The following NTRK3 variants were observed in gnomAD, a reference collection of about 807,000 sequenced individuals.
The protein encoded by NTRK3 is NT-3 growth factor receptor.
Under a neutral mutation model 91.7 loss-of-function variants are expected in NTRK3, and 24 were observed. That is an observed-to-expected ratio of 0.26 (90% CI 0.19 to 0.37). The LOEUF (loss-of-function observed/expected upper bound fraction) is 0.37. Ranked by LOEUF, NTRK3 falls within the 10% of genes least tolerant of loss-of-function variation. NTRK3 has a pLI of 1.00. For missense variants in NTRK3, 880 were observed against 1,068.9 expected (o/e 0.82, Z 2.46); for synonymous variants, 483 against 404.0 (o/e 1.20, Z -2.34).
At chr15:88,036,430 A>T (rs1273732826) in intron 13 of NTRK3, among the ~76,000 whole-genome samples, 2 of 152,202 alleles carry the variant, frequency 1.3e-5, no homozygotes, top group Non-Finnish European at 2.9e-5. Context: ...CCTAAAAAAA[A>T]AAAAAATCAA....
At chr15:88,003,300 C>T (rs2076249585) in intron 14 of NTRK3, among the ~76,000 whole-genome samples, 1 of 152,150 alleles carries the variant, frequency 6.6e-6, no homozygotes, top group South Asian at 2.1e-4. Flanking sequence ...GACCTGCTGA[C>T]CAAAATGTTA....
chr15:87,873,675 C>T, exon 19 of NTRK3: 1 of 232,044 alleles, frequency 4.3e-6, no homozygotes, highest in Non-Finnish European at 8.5e-6. Context: ...GATGTCATTT[C>T]ACAACACATT....
intron 14 of NTRK3, among the ~76,000 whole-genome samples, chr15:87,942,128 C>T (rs532337576): frequency 2.6e-5 from 4 of 152,294 alleles, no homozygotes; most frequent in African/African-American, 9.6e-5. Flanking sequence ...AATCTTTTTC[C>T]TCCCTTCAGA....
In NTRK3 at chr15:88,241,617, G is replaced by A. The variant is rs1250907055; in HGVS notation, c.248+14289C>T. 6.6e-6 allele frequency among the ~76,000 whole-genome samples: 1 copy of A among 152,132 alleles called. No individual in the cohort carries two copies. Among genetic ancestry groups the A allele is most frequent in the Non-Finnish European group, 1.5e-5 (1 of 68,002 alleles). On this transcript the variant is annotated intron_variant, in intron 3 of 18. Transcript: ENST00000394480. This position sits in a 1 kb window ranked among gnomAD's most constrained non-coding sequence, Gnocchi z 4.3. ...ATGGGGCAGGTCAGCCGCTGGTTGGGCAGAATGCCAGCTGGGTGCTGGGAG... is the reference window on the plus strand; with the variant it reads ...ATGGGGCAGGTCAGCCGCTGGTTGGACAGAATGCCAGCTGGGTGCTGGGAG...
At chr15:88,060,269 AGCTACTTGGGAGGCTG>A (rs1333573175) in intron 13 of NTRK3, among the ~76,000 whole-genome samples, 1 of 151,976 alleles carries the variant, frequency 6.6e-6, no homozygotes. Flanking sequence ...CTGTAATCCC[AGCTACTTGGGAGGCTG>A]AGGCAGGAAA....
chr15:87,867,132 C>T (rs2141392892), exon 19 of NTRK3: 1 of 225,442 alleles, frequency 4.4e-6, no homozygotes, highest in African/African-American at 2.2e-5. Flanking sequence ...CCCAGAGTCT[C>T]TTGTGCAAAA....
chr15:87,901,574 G>T (rs1393235117), intron 17 of NTRK3, among the ~76,000 whole-genome samples: 3 of 152,222 alleles, frequency 2.0e-5, no homozygotes, highest in African/African-American at 7.2e-5. Flanking sequence ...GTTGAGTTGG[G>T]CTAAGTTCTT....
exon 19 of NTRK3, chr15:87,867,283 A>G (rs184493362): frequency 1.1e-4 from 26 of 226,504 alleles, no homozygotes; most frequent in Middle Eastern, 2.7e-3. Flanking sequence ...AGGCTAGGAA[A>G]GAGGGAGATG....
At chr15:88,009,113 C>A (rs1029132439) in intron 14 of NTRK3, among the ~76,000 whole-genome samples, 1 of 152,142 alleles carries the variant, frequency 6.6e-6, no homozygotes, top group African/African-American at 2.4e-5. Context: ...AGGCTTATAG[C>A]TAAAGAGGCA....
intron 3 of NTRK3, among the ~76,000 whole-genome samples, chr15:88,189,971 A>C (rs1282915498): frequency 6.6e-6 from 1 of 152,238 alleles, no homozygotes; most frequent in Non-Finnish European, 1.5e-5. Flanking sequence ...TGTAGAACAC[A>C]AAGACGCCCA....
chr15:88,076,034 T>C (rs1019135706), intron 13 of NTRK3, among the ~76,000 whole-genome samples: 2 of 152,204 alleles, frequency 1.3e-5, no homozygotes, highest in African/African-American at 4.8e-5. Context: ...TTAGGAAGCA[T>C]CACAGAGCAT....
rs58367924 is a variant in NTRK3, at chr15:87,912,931, AATATATATATATATATATATATATATAT to A, written c.2133+16232_2133+16259del. 0.019 allele frequency among the ~76,000 whole-genome samples: 699 copies of A among 36,514 alleles called. 56 individuals carry two copies. The East Asian group carries it at 0.23, about 12-fold the overall frequency. The allele number at this position is 36,514 out of a possible 152,430, so 24.0% of individuals were successfully genotyped here. A position where few individuals can be genotyped will look rare whatever the true frequency, so the allele number is the denominator to read the frequency against. On this transcript the variant is annotated intron_variant, in intron 17 of 18. Transcript: ENST00000394480. ...TTCAACTTTTCAAAAAGTAAAAAAA[AATATATATATATATATATATATATATAT>A]ATATATATATATATGCTTCAAGATC...
chr15:88,037,178 T>C (rs2079148288), intron 13 of NTRK3, among the ~76,000 whole-genome samples: 1 of 152,062 alleles, frequency 6.6e-6, no homozygotes, highest in Non-Finnish European at 1.5e-5. Context: ...GGGACCCCAA[T>C]ACTTAAAATG....
intron 5 of NTRK3, among the ~76,000 whole-genome samples, chr15:88,158,557 C>T (rs548086896): frequency 2.4e-4 from 37 of 152,360 alleles, no homozygotes; most frequent in African/African-American, 8.4e-4. Context: ...CCACCAAAGG[C>T]CTTAAAATCT....
intron 13 of NTRK3, among the ~76,000 whole-genome samples, chr15:88,083,839 G>T (rs1176065170): frequency 1.3e-5 from 2 of 152,138 alleles, no homozygotes; most frequent in Non-Finnish European, 2.9e-5. Context: ...AACTTCCTTG[G>T]CTCCAAGCCC....
chr15:88,081,343 C>A (rs1040919339), intron 13 of NTRK3, among the ~76,000 whole-genome samples: 1 of 152,126 alleles, frequency 6.6e-6, no homozygotes, highest in African/African-American at 2.4e-5. Flanking sequence ...ACCCCAAGTG[C>A]GCCCCTGCCA....
rs1049019173 is a variant in NTRK3, at chr15:88,240,619, C to T, written c.248+15287G>A. ...CCCCCCTGGCTCTGGAGACAAACCT[C>T]AGCTCTGCCACTTCCTAGCAGAACC... is the stretch of plus-strand genomic sequence containing the variant. On this transcript the variant is annotated intron_variant, in intron 3 of 18. Coordinates refer to ENST00000394480, the Ensembl canonical transcript of NTRK3. This position sits in a 1 kb window ranked among gnomAD's most constrained non-coding sequence, Gnocchi z 4.9. 3.9e-5 allele frequency among the ~76,000 whole-genome samples: 6 copies of T among 152,188 alleles called. No homozygotes were observed. The highest frequency in any genetic ancestry group is 2.0e-4 in the Admixed American group (3 of 15,284).
chr15:88,035,247 G>A (rs1026383261), intron 13 of NTRK3, among the ~76,000 whole-genome samples: 3 of 152,204 alleles, frequency 2.0e-5, no homozygotes, highest in Admixed American at 1.3e-4. Context: ...GAGCCAGGAA[G>A]GCTGAGGTGG....
chr15:88,013,637 C>T (rs888318567), intron 14 of NTRK3, among the ~76,000 whole-genome samples: 2 of 152,232 alleles, frequency 1.3e-5, no homozygotes, highest in South Asian at 2.1e-4. Context: ...CCAGTAGGAA[C>T]TCAGACACCC....
Sources: allele counts gnomAD v4.1 joint callset (sites outside exome capture counted in the v4.1 genomes callset), GRCh38; gene constraint gnomAD v4.1.1; non-coding constraint Gnocchi (gnomAD v3.1); transcripts MANE v1.5; gene names NCBI Gene and HGNC (gene_info 2026-07-23, HGNC 2026-07-21).